The following ASXL2 variants were observed in gnomAD, a reference collection of about 807,000 sequenced individuals.
ASXL2 encodes the protein putative Polycomb group protein ASXL2.
A neutral mutation model predicts 122.0 loss-of-function variants in ASXL2; 23 were observed. The observed-to-expected ratio is 0.19, with a 90% CI of 0.14 to 0.27. The LOEUF is 0.27. ASXL2 is among the 10% of genes least tolerant of loss of function. ASXL2 has a pLI of 1.00. For synonymous variants in ASXL2, 650 were observed against 637.0 expected, an observed-to-expected ratio of 1.02 and a Z score of -0.31; for missense variants, 1,518 against 1,713.8, an observed-to-expected ratio of 0.89 and a Z score of 2.02.
chr2:25,818,009 A>T (rs115348265), intron 3 of ASXL2, among the ~76,000 whole-genome samples: 4,894 of 152,340 alleles, frequency 0.032, 118 homozygotes, highest in Non-Finnish European at 0.048. Context: ...TTTTAGGGGA[A>T]AAATTAGCTC....
At chr2:25,837,009 A>C (rs1443266437) in intron 2 of ASXL2, among the ~76,000 whole-genome samples, 1 of 147,152 alleles carries the variant, frequency 6.8e-6, no homozygotes, top group Admixed American at 7.0e-5. Context: ...CTATTTCTCT[A>C]TTAGCTGATA....
At chr2:25,836,584 A>T (rs955869128) in intron 2 of ASXL2, among the ~76,000 whole-genome samples, 8 of 152,218 alleles carry the variant, frequency 5.3e-5, no homozygotes, top group African/African-American at 1.7e-4. Flanking sequence ...CTTCATAAAC[A>T]AATTAGTACT....
intron 3 of ASXL2, chr2:25,810,708 C>T (rs529846330): frequency 3.6e-5 from 23 of 643,012 alleles, no homozygotes; most frequent in South Asian, 8.7e-5. Context: ...CTCTGCTCAG[C>T]GTTGCAGCTG....
At chr2:25,747,533 T>C (rs982027052) in intron 12 of ASXL2, among the ~76,000 whole-genome samples, 3 of 152,066 alleles carry the variant, frequency 2.0e-5, no homozygotes, top group African/African-American at 7.2e-5. Flanking sequence ...AAAAGTAAAA[T>C]TATATTAACT....
chr2:25,749,784 C>T lies in ASXL2; in HGVS notation c.1772G>A (p.Arg591His), dbSNP rs146506022. The T allele has an allele frequency of 5.1e-4, 814 of 1,603,188 alleles. 2 individuals carry two copies. The African/African-American group carries it at 8.6e-3, about 17-fold the overall frequency. Residue 591 changes from arginine (R) to histidine (H), a missense_variant, in exon 12 of 13, where the codon CGC becomes CAC. Arg to His is a conservative substitution (Grantham distance 29). Transcript: ENST00000435504. ...GACCTGAAATGGCTGCTGGTGCTGG[C>T]GATTCTCAGTGACACGTGGCCTCTT... is the stretch of plus-strand genomic sequence containing the variant. The part of the protein sequence containing the change: ...WEKRPRVTEN[R>H]QHQQPFQVSP...
At chr2:25,817,614 A>T (rs190249174) in intron 3 of ASXL2, among the ~76,000 whole-genome samples, 1 of 152,230 alleles carries the variant, frequency 6.6e-6, no homozygotes, top group East Asian at 1.9e-4. Flanking sequence ...GAAATATACA[A>T]ATAAACTATT....
At chr2:25,759,413 C>T in intron 9 of ASXL2, 69 bp downstream of exon 9, 2 of 1,454,578 alleles carry the variant, frequency 1.4e-6, no homozygotes, top group Non-Finnish European at 1.9e-6. Flanking sequence ...TCACTTAGTA[C>T]CATTAATACC....
intron 1 of ASXL2, among the ~76,000 whole-genome samples, chr2:25,872,911 T>C (rs2089973620): frequency 6.6e-6 from 1 of 152,146 alleles, no homozygotes; most frequent in African/African-American, 2.4e-5. Flanking sequence ...TCTCTATTTA[T>C]TGGCTCTTGG....
At chr2:25,820,475 G>A (rs578016439) in intron 3 of ASXL2, among the ~76,000 whole-genome samples, 2 of 152,190 alleles carry the variant, frequency 1.3e-5, no homozygotes, top group Non-Finnish European at 2.9e-5. Context: ...AAGAAGTACT[G>A]ATCAATGCTA....
intron 5 of ASXL2, among the ~76,000 whole-genome samples, chr2:25,781,024 C>G (rs1053108973): frequency 5.2e-5 from 7 of 134,848 alleles, no homozygotes; most frequent in Admixed American, 4.1e-4. Context: ...GAGGAGCTTA[C>G]AGTGAGCCGA....
At chr2:25,808,657 T>C (rs1256249265) in intron 3 of ASXL2, among the ~76,000 whole-genome samples, 2 of 152,224 alleles carry the variant, frequency 1.3e-5, no homozygotes, top group African/African-American at 4.8e-5. Context: ...GTATTACTTT[T>C]GCCTGTATCA....
At chr2:25,875,984 A>T (rs549213085) in intron 1 of ASXL2, among the ~76,000 whole-genome samples, 1 of 152,062 alleles carries the variant, frequency 6.6e-6, no homozygotes, top group African/African-American at 2.4e-5. Flanking sequence ...TATCCCAAAA[A>T]CAGAAATATT....
At chr2:25,783,936 C>T (rs1421991585) in intron 5 of ASXL2, among the ~76,000 whole-genome samples, 1 of 152,050 alleles carries the variant, frequency 6.6e-6, no homozygotes, top group Non-Finnish European at 1.5e-5. Context: ...TGCCTGTAAT[C>T]CCAGCTACTT....
rs1248026348 is a variant in ASXL2, at chr2:25,739,481, A to T, written c.*2548T>A. On this transcript the variant is annotated 3_prime_UTR_variant, in exon 13 of 13. Coordinates refer to ENST00000435504, the MANE Select transcript of ASXL2 (RefSeq NM_018263.6). ...AGACTGGTATTCAAGTTACTACCCAACTGAGAGAACTTAACTGTTCTCTTG... is the reference window on the plus strand; with the variant it reads ...AGACTGGTATTCAAGTTACTACCCATCTGAGAGAACTTAACTGTTCTCTTG... 3.8e-5 allele frequency: 7 copies of T among 186,372 alleles called. No homozygotes were observed. In the Admixed American group the frequency reaches 4.4e-4, roughly 12 times the overall value. The allele number at this position is 186,372 out of a possible 1,614,324, so 11.5% of individuals were successfully genotyped here. A position where few individuals can be genotyped will look rare whatever the true frequency, so the allele number is the denominator to read the frequency against.
chr2:25,829,514 C>T (rs1207063186), intron 3 of ASXL2, among the ~76,000 whole-genome samples: 3 of 152,164 alleles, frequency 2.0e-5, no homozygotes, highest in Admixed American at 1.3e-4. Context: ...GTTGATTTAG[C>T]AAACAGAGCT....
intron 5 of ASXL2, among the ~76,000 whole-genome samples, chr2:25,775,898 CT>C (rs1473138338): frequency 6.6e-6 from 1 of 152,166 alleles, no homozygotes; most frequent in East Asian, 1.9e-4. Context: ...AGGAATCATT[CT>C]CTATCTTAAG....
At chr2:25,859,906 C>T (rs1310440744) in intron 1 of ASXL2, among the ~76,000 whole-genome samples, 2 of 151,982 alleles carry the variant, frequency 1.3e-5, no homozygotes, top group Non-Finnish European at 2.9e-5. Context: ...AAATATTTTG[C>T]CGGGCACAGC....
chr2:25,857,453 T>A (rs1173845097), intron 1 of ASXL2, among the ~76,000 whole-genome samples: 2 of 152,176 alleles, frequency 1.3e-5, no homozygotes, highest in Non-Finnish European at 2.9e-5. Flanking sequence ...TCAATATTTT[T>A]CTAATAACAA....
chr2:25,810,655 A>G (rs919381798), intron 3 of ASXL2: 5 of 777,886 alleles, frequency 6.4e-6, no homozygotes, highest in Admixed American at 1.8e-5. Context: ...GATCCCAGCC[A>G]TGGTGCCCAC....
Sources: allele counts gnomAD v4.1 joint callset (sites outside exome capture counted in the v4.1 genomes callset), GRCh38; gene constraint gnomAD v4.1.1; transcripts MANE v1.5; gene names NCBI Gene and HGNC (gene_info 2026-07-23, HGNC 2026-07-21).